LRRC37A2: variants seen among roughly 807,000 people sequenced by gnomAD.
The protein encoded by LRRC37A2 is leucine rich repeat containing 37 member A2.
Under a neutral mutation model 68.8 loss-of-function variants are expected in LRRC37A2, and 9 were observed. That is an observed-to-expected ratio of 0.13 (90% confidence interval 0.08 to 0.23). The LOEUF is 0.23. Among genes scored for constraint, LRRC37A2 ranks in the 10% least tolerant of loss-of-function variants. The pLI is 1.00. For missense variants in LRRC37A2, 168 were observed against 950.4 expected, an observed-to-expected ratio of 0.18 and a Z score of 10.82; for synonymous variants, 63 against 367.6, an observed-to-expected ratio of 0.17 and a Z score of 9.48.
the LRRC37A2 span, among the ~76,000 whole-genome samples, chr17:46,800,569 C>T: frequency 3.3e-5 from 5 of 152,216 alleles, no homozygotes; most frequent in Non-Finnish European, 5.9e-5. Flanking sequence ...TCTGAGAATA[C>T]AGGAAAATAC....
the LRRC37A2 span, among the ~76,000 whole-genome samples, chr17:46,631,084 A>ACACACACACACACACACACG: frequency 1.0e-4 from 15 of 145,658 alleles, no homozygotes; most frequent in East Asian, 9.9e-4. Context: ...ACACACACAC[A>ACACACACACACACACACACG]CACACACACA....
At chr17:46,789,933 A>G in the LRRC37A2 span, among the ~76,000 whole-genome samples, 2 of 152,204 alleles carry the variant, frequency 1.3e-5, no homozygotes, top group Non-Finnish European at 1.5e-5. Flanking sequence ...CCACATTCCC[A>G]GGAGGGCTTC....
chr17:46,911,877 C>T, the LRRC37A2 span, among the ~76,000 whole-genome samples: 9 of 151,954 alleles, frequency 5.9e-5, no homozygotes, highest in Admixed American at 1.3e-4. Context: ...AATGAGACTC[C>T]GTCTCAAAAT....
the LRRC37A2 span, among the ~76,000 whole-genome samples, chr17:46,993,504 C>G: frequency 6.6e-6 from 1 of 152,272 alleles, no homozygotes; most frequent in South Asian, 2.1e-4. Context: ...TGCAGCCAAT[C>G]AGCTTCTTGC....
chr17:46,534,346 C>A (rs2054233447), intron 6 of LRRC37A2, among the ~76,000 whole-genome samples: 1 of 143,824 alleles, frequency 7.0e-6, no homozygotes, highest in Non-Finnish European at 1.5e-5. Context: ...ACCCTGCGGC[C>A]TTCCACAGTG....
the LRRC37A2 span, among the ~76,000 whole-genome samples, chr17:46,708,358 T>C: frequency 6.9e-4 from 105 of 152,260 alleles, no homozygotes; most frequent in African/African-American, 2.4e-3. Context: ...AACAAATTAT[T>C]TTCTGTTTTT....
At chr17:46,970,535 CAAAAAAAAAAAAA>C in the LRRC37A2 span, among the ~76,000 whole-genome samples, 1 of 51,168 alleles carries the variant, frequency 2.0e-5, no homozygotes, top group Non-Finnish European at 3.8e-5. Context: ...GACTCCATCT[CAAAAAAAAAAAAA>C]AAAAAAAAAA....
At chr17:46,827,684 T>A in the LRRC37A2 span, among the ~76,000 whole-genome samples, 2 of 152,210 alleles carry the variant, frequency 1.3e-5, no homozygotes, top group Admixed American at 6.5e-5. Flanking sequence ...ACCCATCATG[T>A]CTAGTGTAGG....
At chr17:46,909,739 G>C in the LRRC37A2 span, 1 of 152,210 alleles carries the variant, frequency 6.6e-6, no homozygotes, top group African/African-American at 2.4e-5. Flanking sequence ...ACGTAAACTT[G>C]TGTCAGATAT....
At chr17:46,777,490 G>T in the LRRC37A2 span, among the ~76,000 whole-genome samples, 4 of 152,244 alleles carry the variant, frequency 2.6e-5, no homozygotes, top group Non-Finnish European at 5.9e-5. Context: ...TGGCCTCAAA[G>T]GTCGGAGTGC....
chr17:46,725,051 G>A, the LRRC37A2 span, among the ~76,000 whole-genome samples: 1 of 152,016 alleles, frequency 6.6e-6, no homozygotes, highest in Non-Finnish European at 1.5e-5. Context: ...GGATACAGAG[G>A]TAATTAAGAC....
chr17:47,024,326 A>G, the LRRC37A2 span, among the ~76,000 whole-genome samples: 5 of 152,328 alleles, frequency 3.3e-5, no homozygotes, highest in African/African-American at 4.8e-5. Flanking sequence ...TGGGGCTTTC[A>G]TAATAAGGTT....
At chr17:46,946,735 C>G in the LRRC37A2 span, among the ~76,000 whole-genome samples, 1 of 150,590 alleles carries the variant, frequency 6.6e-6, no homozygotes, top group African/African-American at 2.4e-5. Flanking sequence ...AGTTGGTGTG[C>G]GCCTGTAGTC....
At chr17:46,766,898 C>T in the LRRC37A2 span, among the ~76,000 whole-genome samples, 9 of 152,282 alleles carry the variant, frequency 5.9e-5, no homozygotes, top group East Asian at 5.8e-4. Flanking sequence ...GCCCTGTCCT[C>T]GGTGTCCTTT....
In LRRC37A2 at chr17:46,530,017, C is replaced by T. The variant is rs1286858344; in HGVS notation, c.2906+6133C>T. On this transcript the variant is annotated intron_variant, in intron 6 of 14. Coordinates refer to ENST00000576629, the Ensembl canonical transcript of LRRC37A2. ...TTGGAGGAAAGATAACAAACTTTGC[C>T]AAGTTGTTTGGCTACATACTGCCTT... 6.5e-4 allele frequency among the ~76,000 whole-genome samples: 92 copies of T among 141,684 alleles called. No individual in the cohort carries two copies. In the East Asian group the frequency reaches 8.2e-3, roughly 13 times the overall value. 93.0% of individuals were successfully genotyped at this position (141,684 alleles called of 152,430 possible).
the LRRC37A2 span, among the ~76,000 whole-genome samples, chr17:47,043,488 G>C: frequency 7.5e-6 from 1 of 133,304 alleles, no homozygotes; most frequent in Admixed American, 7.8e-5. Flanking sequence ...GACAGAGTGA[G>C]ACTCCATCTC....
the LRRC37A2 span, among the ~76,000 whole-genome samples, chr17:46,971,822 ATG>A: frequency 6.6e-6 from 1 of 151,082 alleles, no homozygotes; most frequent in African/African-American, 2.5e-5. Flanking sequence ...CCCATCTAAC[ATG>A]TGTTTGTTCT....
At chr17:46,897,302 G>A in the LRRC37A2 span, among the ~76,000 whole-genome samples, 1 of 152,114 alleles carries the variant, frequency 6.6e-6, no homozygotes, top group Admixed American at 6.5e-5. Flanking sequence ...GATTTCCCAG[G>A]GCTACCAAAG....
chr17:46,811,262 G>A, the LRRC37A2 span, among the ~76,000 whole-genome samples: 2 of 101,000 alleles, frequency 2.0e-5, no homozygotes, highest in South Asian at 2.4e-4. Flanking sequence ...GTCATCGGGC[G>A]GGTTGTTGCA....
Sources: gnomAD v4.1 joint callset for allele counts (sites outside exome capture counted in the v4.1 genomes callset) on GRCh38, gnomAD v4.1.1 for gene constraint, MANE v1.5 for transcripts, NCBI Gene and HGNC (gene_info 2026-07-23, HGNC 2026-07-21) for gene names.